The following PARD3B variants were observed in gnomAD, a reference collection of about 807,000 sequenced individuals.
PARD3B encodes par-3 family cell polarity regulator beta.
PARD3B carries 103 observed loss-of-function variants against 130.2 expected under a neutral mutation model. That is an observed-to-expected ratio of 0.79 (90% CI 0.67 to 0.93). The LOEUF (loss-of-function observed/expected upper bound fraction) is 0.93, where lower values mean the gene tolerates loss of function less well. Among genes scored for constraint, PARD3B ranks in the 40% least tolerant of loss-of-function variants. PARD3B has a pLI of 0.00. For missense variants in PARD3B, 1,609 were observed against 1,499.2 expected (o/e 1.07, Z -1.21); for synonymous variants, 583 against 553.2 (o/e 1.05, Z -0.76).
At chr2:205,171,677 G>A (rs1221160245) in intron 11 of PARD3B, among the ~76,000 whole-genome samples, 1 of 152,158 alleles carries the variant, frequency 6.6e-6, no homozygotes, top group Non-Finnish European at 1.5e-5. Context: ...CAACTTTGTG[G>A]TTGTGTTAGA....
At chr2:205,005,165 G>C (rs1483004002) in intron 3 of PARD3B, among the ~76,000 whole-genome samples, 1 of 151,382 alleles carries the variant, frequency 6.6e-6, no homozygotes, top group Non-Finnish European at 1.5e-5. Flanking sequence ...CTCCTCTCTA[G>C]TATACACACA....
chr2:204,779,204 C>T (rs1253006149), intron 2 of PARD3B, among the ~76,000 whole-genome samples: 2 of 152,242 alleles, frequency 1.3e-5, no homozygotes, highest in East Asian at 3.9e-4. Context: ...CAGTCTTGCC[C>T]ATTTTCTTCC....
chr2:205,207,084 C>T, intron 15 of PARD3B, among the ~76,000 whole-genome samples: 1 of 143,488 alleles, frequency 7.0e-6, no homozygotes, highest in Admixed American at 6.8e-5. Flanking sequence ...CGCTCAACTA[C>T]ATGGAAACTG....
At chr2:205,581,307 G>C (rs112182804) in intron 22 of PARD3B, among the ~76,000 whole-genome samples, 11,094 of 147,608 alleles carry the variant, frequency 0.075, 599 homozygotes, top group East Asian at 0.19. Flanking sequence ...TAGATAGATA[G>C]ATAGATCCTG....
chr2:205,208,592 C>CA (rs2037451733), intron 15 of PARD3B, among the ~76,000 whole-genome samples: 1 of 142,868 alleles, frequency 7.0e-6, no homozygotes, highest in Non-Finnish European at 1.5e-5. Context: ...AACAGAGAGC[C>CA]AAATCATGAG....
intron 21 of PARD3B, among the ~76,000 whole-genome samples, chr2:205,511,113 A>C (rs941413187): frequency 7.2e-6 from 1 of 138,732 alleles, no homozygotes; most frequent in Non-Finnish European, 1.6e-5. Context: ...ACTGTCTTCT[A>C]TCTTTGTTGA....
At chr2:204,611,009 G>A (rs1559183849) in intron 1 of PARD3B, among the ~76,000 whole-genome samples, 1 of 152,126 alleles carries the variant, frequency 6.6e-6, no homozygotes, top group Non-Finnish European at 1.5e-5. Flanking sequence ...TCCAGCAGCG[G>A]TCAGAGAATT....
At chr2:204,828,866 G>C (rs1156848016) in intron 2 of PARD3B, among the ~76,000 whole-genome samples, 1 of 152,136 alleles carries the variant, frequency 6.6e-6, no homozygotes, top group East Asian at 1.9e-4. Context: ...CCTTATCATG[G>C]AATATGAAAC....
intron 1 of PARD3B, among the ~76,000 whole-genome samples, chr2:204,573,251 A>G (rs183029788): frequency 1.8e-4 from 28 of 152,320 alleles, no homozygotes; most frequent in Middle Eastern, 3.4e-3. Flanking sequence ...TTCACTCTTG[A>G]TATCTTTTCC....
chr2:205,503,434 G>A (rs2050233149), intron 21 of PARD3B, among the ~76,000 whole-genome samples: 1 of 151,484 alleles, frequency 6.6e-6, no homozygotes, highest in Admixed American at 6.6e-5. Flanking sequence ...AAATTTGTTG[G>A]ATTTTTTTCC....
intron 1 of PARD3B, among the ~76,000 whole-genome samples, chr2:204,634,854 T>C (rs2034815670): frequency 6.6e-6 from 1 of 152,222 alleles, no homozygotes; most frequent in African/African-American, 2.4e-5. Context: ...ATAGTCATAT[T>C]CTTCCATTCT....
At chr2:205,058,538 T>C (rs1194225544) in intron 4 of PARD3B, among the ~76,000 whole-genome samples, 1 of 151,980 alleles carries the variant, frequency 6.6e-6, no homozygotes, top group African/African-American at 2.4e-5. Context: ...CAGAGGTGTG[T>C]CATTTTACAT....
intron 2 of PARD3B, among the ~76,000 whole-genome samples, chr2:204,839,559 TAA>T (rs1230608229): frequency 1.3e-5 from 2 of 152,170 alleles, no homozygotes; most frequent in African/African-American, 4.8e-5. Context: ...TCGAAATTCT[TAA>T]CTTTCTATTT....
intron 18 of PARD3B, among the ~76,000 whole-genome samples, chr2:205,311,676 A>G (rs902616019): frequency 6.6e-6 from 1 of 152,236 alleles, no homozygotes; most frequent in African/African-American, 2.4e-5. Context: ...TAAACTACAT[A>G]AAGAAAAGAA....
intron 2 of PARD3B, among the ~76,000 whole-genome samples, chr2:204,812,221 C>T (rs2042987326): frequency 6.6e-6 from 1 of 151,932 alleles, no homozygotes. Flanking sequence ...GTTTCTAATC[C>T]ATATTTATTG....
intron 21 of PARD3B, among the ~76,000 whole-genome samples, chr2:205,519,757 T>A (rs1055294582): frequency 3.2e-4 from 47 of 145,984 alleles, no homozygotes; most frequent in Non-Finnish European, 1.2e-4. Flanking sequence ...GTAGACTTCT[T>A]TTCTGGATGT....
At chr2:205,395,065 G>A (rs570644714) in intron 18 of PARD3B, among the ~76,000 whole-genome samples, 3 of 152,148 alleles carry the variant, frequency 2.0e-5, no homozygotes, top group South Asian at 4.1e-4. Context: ...CTCCATCTCC[G>A]ACCTCTCACT....
At position 205,461,351 on chromosome 2, in the gene PARD3B, A is replaced by C. The variant is rs1407488074; in HGVS notation, c.3044+20679A>C. Among the ~76,000 whole-genome samples the C allele has an allele frequency of 1.3e-5, 2 of 152,290 alleles. No homozygotes were observed. The highest frequency in any genetic ancestry group is 3.9e-4 in the East Asian group (2 of 5,176). On this transcript the variant is annotated intron_variant, in intron 20 of 22. Transcript: ENST00000406610. The surrounding 1 kb of genome is among the most constrained non-coding windows in gnomAD (Gnocchi z 4.3). ...GAAAGAAGGTCCTCTTACCAACACC[A>C]AGCAAGAGGATAAAGAGCAGAGGCT...
intron 1 of PARD3B, among the ~76,000 whole-genome samples, chr2:204,587,407 T>C (rs192467584): frequency 6.6e-6 from 1 of 152,348 alleles, no homozygotes; most frequent in African/African-American, 2.4e-5. Flanking sequence ...TTATTCATTG[T>C]AGGCAATGAA....
Sources: gnomAD v4.1 joint callset for allele counts (sites outside exome capture counted in the v4.1 genomes callset) on GRCh38, gnomAD v4.1.1 for gene constraint, Gnocchi (gnomAD v3.1) non-coding constraint, MANE v1.5 for transcripts, NCBI Gene and HGNC (gene_info 2026-07-23, HGNC 2026-07-21) for gene names.